The following PPP2R5D variants were observed in gnomAD, a reference collection of about 807,000 sequenced individuals.
PPP2R5D encodes serine/threonine-protein phosphatase 2A 56 kDa regulatory subunit delta isoform.
Under a neutral mutation model 79.1 loss-of-function variants are expected in PPP2R5D, and 12 were observed. The observed-to-expected ratio is 0.15, with a 90% CI of 0.10 to 0.25. The LOEUF is 0.25. PPP2R5D is among the 10% of genes least tolerant of loss of function. PPP2R5D has a pLI of 1.00. For missense variants in PPP2R5D, 419 were observed against 760.2 expected (o/e 0.55, Z 5.28); for synonymous variants, 277 against 286.6 (o/e 0.97, Z 0.34).
chr6:43,001,500 T>C (rs182410945), intron 2 of PPP2R5D, among the ~76,000 whole-genome samples: 1 of 152,242 alleles, frequency 6.6e-6, no homozygotes, highest in East Asian at 1.9e-4. Context: ...TGTGCTAGCA[T>C]AGGAAGGAGA....
At chr6:42,995,838 C>T (rs1447323443) in intron 2 of PPP2R5D, among the ~76,000 whole-genome samples, 1 of 149,232 alleles carries the variant, frequency 6.7e-6, no homozygotes, top group Non-Finnish European at 1.5e-5. Flanking sequence ...CCCTCAGCCC[C>T]GAGTAGCTGG....
rs1267742688 is a variant in PPP2R5D, at chr6:42,995,131, T to TC, written c.105+5443_105+5444insC. ...TCCCACCGAACTTTTTCTTTCTTTT[T>TC]TTTTTTTTTTTTTTTTGGAGATAGG... is the stretch of plus-strand genomic sequence containing the variant. On this transcript the variant is annotated intron_variant, in intron 2 of 15. Transcript: ENST00000485511. Among the ~76,000 whole-genome samples, 163 of 136,700 alleles carry TC rather than the reference T, an allele frequency of 1.2e-3. No individual in the cohort carries two copies. In the Middle Eastern group the frequency reaches 0.018, roughly 15 times the overall value. The allele number at this position is 136,700 out of a possible 152,430, so 89.7% of individuals were successfully genotyped here.
chr6:43,008,795 C>G lies in PPP2R5D; in HGVS notation c.1080+49C>G, dbSNP rs1199157951. 1.3e-6 allele frequency: 2 copies of G among 1,572,092 alleles called. No homozygotes were observed. The highest frequency in any genetic ancestry group is 2.2e-5 in the South Asian group (2 of 89,396). The stretch of plus-strand genomic sequence containing the variant: ...GGCCCACCTCTTACTGTCAGCATCA[C>G]TTGCCAGTCTGTACCTACTGGGGGT... On this transcript the variant is annotated intron_variant, in intron 10 of 15. Coordinates refer to ENST00000485511, the MANE Select transcript of PPP2R5D (RefSeq NM_006245.4). The surrounding 1 kb of genome is among the most constrained non-coding windows in gnomAD (Gnocchi z 4.2).
Position 43,006,981 on chromosome 6 carries a change from C to T in PPP2R5D, c.393C>T (p.Phe131=), listed in dbSNP as rs1291464152. Residue 131 remains phenylalanine, a synonymous_variant, in exon 4 of 16, where the codon TTC becomes TTT. Transcript: ENST00000485511. The surrounding 1 kb of genome is among the most constrained non-coding windows in gnomAD (Gnocchi z 4.7). ...KLRQCCVLFD[F]VSDPLSDLKF... is the part of the protein sequence containing the mutation. ...GCCAGTGCTGTGTCCTCTTTGACTT[C>T]GTGTCAGACCCACTCAGTGACCTCA... The T allele has an allele frequency of 5.0e-6, 8 of 1,614,018 alleles. No homozygotes were observed. Among genetic ancestry groups the T allele is most frequent in the Non-Finnish European group, 5.9e-6 (7 of 1,180,040 alleles).
Position 43,010,795 on chromosome 6 carries a change from G to A in PPP2R5D, c.1554+59G>A. The A allele has an allele frequency of 6.2e-7, 1 of 1,607,374 alleles. No homozygotes were observed. The highest frequency in any genetic ancestry group is 8.5e-7 in the Non-Finnish European group (1 of 1,174,042). ...GGCCAGCCCATCTTGAGCTGGGGGA[G>A]AGTTTGTTGGGGGAGGAATATGGGG... is the stretch of plus-strand genomic sequence containing the variant. On this transcript the variant is annotated intron_variant, in intron 14 of 15. Coordinates refer to ENST00000485511, the MANE Select transcript of PPP2R5D (RefSeq NM_006245.4). This position sits in a 1 kb window ranked among gnomAD's most constrained non-coding sequence, Gnocchi z 4.7.
chr6:43,008,968 A>G lies in PPP2R5D; in HGVS notation c.1081-89A>G. ...TGAGATCACCCAAACTGTGCCCACC[A>G]GGGTGGGGGAGAGAGCAGGTAGGAA... On this transcript the variant is annotated intron_variant, in intron 10 of 15. Transcript: ENST00000485511. The surrounding 1 kb of genome is among the most constrained non-coding windows in gnomAD (Gnocchi z 4.2). 1 of 1,457,260 alleles carries G rather than the reference A, an allele frequency of 6.9e-7. No homozygotes were observed. The highest frequency in any genetic ancestry group is 9.4e-7 in the Non-Finnish European group (1 of 1,059,730). The allele number at this position is 1,457,260 out of a possible 1,614,324, so 90.3% of individuals were successfully genotyped here.
chr6:42,999,074 C>T (rs1429026846), intron 2 of PPP2R5D, among the ~76,000 whole-genome samples: 2 of 152,128 alleles, frequency 1.3e-5, no homozygotes, highest in Non-Finnish European at 2.9e-5. Context: ...TGAAACTGGG[C>T]AGGACAAAGT....
chr6:42,992,783 C>T (rs866790983), intron 2 of PPP2R5D, among the ~76,000 whole-genome samples: 1 of 152,152 alleles, frequency 6.6e-6, no homozygotes, highest in Non-Finnish European at 1.5e-5. Context: ...GATCGTACCA[C>T]TGCACTCCAG....
At chr6:43,001,861 G>A (rs1406737180) in intron 2 of PPP2R5D, among the ~76,000 whole-genome samples, 4 of 151,110 alleles carry the variant, frequency 2.6e-5, no homozygotes, top group Admixed American at 6.6e-5. Context: ...CACTCCAGCC[G>A]GGTGACAGAG....
chr6:43,009,391 C>T lies in PPP2R5D; in HGVS notation c.1321C>T (p.Arg441Ter), dbSNP rs1581859267. ...GAGCCTGATAAGTGACAATGCTGCC[C>T]GAGTCCTCCCCATCATGTTCCCTGC... ...IMSLISDNAA[R>*]VLPIMFPALY... The change falls in exon 12 of 16, where the codon CGA (arginine) becomes TGA (stop). Residue 441 changes from arginine (R) to a stop codon, truncating the protein, a stop_gained. Transcript: ENST00000485511. LOFTEE classifies it high-confidence loss of function. The surrounding 1 kb of genome is among the most constrained non-coding windows in gnomAD (Gnocchi z 5.6). 2 of 1,614,038 alleles carry T rather than the reference C, an allele frequency of 1.2e-6. No homozygotes were observed. Among genetic ancestry groups the T allele is most frequent in the Non-Finnish European group, 1.7e-6 (2 of 1,180,018 alleles).
chr6:42,985,057 G>T (rs984713902), intron 1 of PPP2R5D, among the ~76,000 whole-genome samples: 10 of 150,662 alleles, frequency 6.6e-5, no homozygotes, highest in African/African-American at 1.5e-4. Flanking sequence ...TCCCCCTTCG[G>T]TTTGGGCAGC....
At chr6:42,985,046 A>C (rs1770730286) in intron 1 of PPP2R5D, among the ~76,000 whole-genome samples, 5 of 131,026 alleles carry the variant, frequency 3.8e-5, no homozygotes, top group South Asian at 2.6e-4. Flanking sequence ...CCTGGCCCCG[A>C]TCCCCCTTCG....
intron 2 of PPP2R5D, among the ~76,000 whole-genome samples, chr6:42,995,746 C>G (rs150705452): frequency 0.028 from 4,174 of 150,380 alleles, 181 homozygotes; most frequent in African/African-American, 0.095. Context: ...TTTTGGGTCT[C>G]ACTGTGTTCC....
In PPP2R5D at chr6:43,012,232, G is replaced by A. The variant is rs559692306; in HGVS notation, c.*946G>A. 1 of 1,212,572 alleles carries A rather than the reference G, an allele frequency of 8.2e-7. No individual in the cohort carries two copies. Among genetic ancestry groups the A allele is most frequent in the East Asian group, 3.5e-5 (1 of 28,286 alleles). 75.1% of individuals were successfully genotyped at this position (1,212,572 alleles called of 1,614,324 possible). A position where few individuals can be genotyped will look rare whatever the true frequency, so the allele number is the denominator to read the frequency against. On this transcript the variant is annotated 3_prime_UTR_variant, in exon 16 of 16. Transcript: ENST00000485511. ...AGGGGCGCAGGCAGTGCGGCTTTTG[G>A]CTGTGTACATAGGGTGCTTTATTCT...
At chr6:42,993,189 A>C (rs1029410839) in intron 2 of PPP2R5D, among the ~76,000 whole-genome samples, 9 of 151,470 alleles carry the variant, frequency 5.9e-5, no homozygotes, top group African/African-American at 9.7e-5. Flanking sequence ...CCCAGCTACT[A>C]GGGAGGCTGA....
chr6:43,002,904 AG>A (rs1167592176), intron 2 of PPP2R5D, among the ~76,000 whole-genome samples: 1 of 151,870 alleles, frequency 6.6e-6, no homozygotes, highest in East Asian at 1.9e-4. Flanking sequence ...CCCTGTGGTG[AG>A]GGTACCCAGC....
intron 1 of PPP2R5D, 100 bp downstream of exon 1, chr6:42,984,804 C>G (rs919145630): frequency 1.4e-5 from 21 of 1,541,932 alleles, no homozygotes; most frequent in African/African-American, 2.8e-5. Context: ...CTGACCCTCC[C>G]GTCCAGCCCC....
chr6:43,010,271 T>C lies in PPP2R5D; in HGVS notation c.1380-197T>C, dbSNP rs115544467. Among the ~76,000 whole-genome samples the C allele has an allele frequency of 6.3e-3, 964 of 152,188 alleles. 9 individuals carry two copies. The highest frequency in any genetic ancestry group is 0.021 in the African/African-American group (892 of 41,516). On this transcript the variant is annotated intron_variant, in intron 12 of 15. Transcript: ENST00000485511. This position sits in a 1 kb window ranked among gnomAD's most constrained non-coding sequence, Gnocchi z 4.7. Reference sequence around the variant, plus strand: ...GGATGGACAGGTGGACCGATATTTGTGAAAACCATGAAATGCCAGTCTCAA... The same window carrying C: ...GGATGGACAGGTGGACCGATATTTGCGAAAACCATGAAATGCCAGTCTCAA...
intron 1 of PPP2R5D, among the ~76,000 whole-genome samples, chr6:42,986,084 C>T (rs1420945545): frequency 6.6e-6 from 1 of 152,102 alleles, no homozygotes; most frequent in African/African-American, 2.4e-5. Context: ...GCCCACAGGC[C>T]AGTTCTTAAT....
Sources: allele counts gnomAD v4.1 joint callset (sites outside exome capture counted in the v4.1 genomes callset), GRCh38; gene constraint gnomAD v4.1.1; non-coding constraint Gnocchi (gnomAD v3.1); transcripts MANE v1.5; gene names NCBI Gene and HGNC (gene_info 2026-07-23, HGNC 2026-07-21).